NRG3: variants seen among roughly 807,000 people sequenced by gnomAD.
NRG3 encodes the protein neuregulin 3.
Under a neutral mutation model 66.9 loss-of-function variants are expected in NRG3, and 31 were observed. The observed-to-expected ratio is 0.46, with a 90% CI of 0.35 to 0.63. The LOEUF (loss-of-function observed/expected upper bound fraction) is 0.63. Among genes scored for constraint, NRG3 ranks in the 20% least tolerant of loss-of-function variants. NRG3 has a pLI of 0.00. For missense variants in NRG3, 910 were observed against 878.9 expected (o/e 1.04, Z -0.45); for synonymous variants, 393 against 359.4 (o/e 1.09, Z -1.06).
chr10:82,316,795 G>A (rs79184633), intron 1 of NRG3, among the ~76,000 whole-genome samples: 2 of 152,120 alleles, frequency 1.3e-5, no homozygotes, highest in South Asian at 2.1e-4. Context: ...TTCCTAGGCC[G>A]AGCTGTAGGT....
intron 2 of NRG3, among the ~76,000 whole-genome samples, chr10:82,649,724 G>T (rs2051258784): frequency 6.6e-6 from 1 of 152,054 alleles, no homozygotes; most frequent in African/African-American, 2.4e-5. Flanking sequence ...AAAGTGCTGG[G>T]ATTATAGGCA....
chr10:82,876,772 C>A (rs1276530357), intron 4 of NRG3, among the ~76,000 whole-genome samples: 1 of 151,944 alleles, frequency 6.6e-6, no homozygotes, highest in African/African-American at 2.4e-5. Flanking sequence ...GCCTGTAGTC[C>A]CAGCAGTTGG....
intron 4 of NRG3, among the ~76,000 whole-genome samples, chr10:82,887,150 C>T (rs941592341): frequency 1.3e-5 from 2 of 152,200 alleles, no homozygotes; most frequent in Admixed American, 1.3e-4. Context: ...TGTTTGTAAG[C>T]TCCTACTACC....
At chr10:82,409,119 G>A (rs2087848762) in intron 2 of NRG3, among the ~76,000 whole-genome samples, 1 of 151,992 alleles carries the variant, frequency 6.6e-6, no homozygotes, top group Non-Finnish European at 1.5e-5. Context: ...AACTATGGAA[G>A]GTTTACGGTT....
chr10:82,767,337 G>A (rs1208495431), intron 3 of NRG3, among the ~76,000 whole-genome samples: 1 of 151,926 alleles, frequency 6.6e-6, no homozygotes, highest in Non-Finnish European at 1.5e-5. Flanking sequence ...TTGCTTTCCT[G>A]TTTTTAATTT....
chr10:81,915,742 C>T (rs140403640), intron 1 of NRG3, among the ~76,000 whole-genome samples: 4 of 151,994 alleles, frequency 2.6e-5, no homozygotes, highest in Admixed American at 6.6e-5. Flanking sequence ...AGAGCCTCCT[C>T]GATGAGAATG....
At chr10:82,418,600 T>C (rs2088808360) in intron 2 of NRG3, among the ~76,000 whole-genome samples, 1 of 151,964 alleles carries the variant, frequency 6.6e-6, no homozygotes, top group Non-Finnish European at 1.5e-5. Flanking sequence ...TGTAAAGACT[T>C]TTATTTATTT....
chr10:82,275,601 T>A (rs4295985), intron 1 of NRG3, among the ~76,000 whole-genome samples: 27,121 of 151,874 alleles, frequency 0.18, 5,508 homozygotes, highest in African/African-American at 0.5. Flanking sequence ...TGTTTTCAGA[T>A]GTTGGAGAGG....
At chr10:81,880,818 C>G (rs117579853) in intron 1 of NRG3, among the ~76,000 whole-genome samples, 87 of 152,216 alleles carry the variant, frequency 5.7e-4, no homozygotes, top group East Asian at 3.9e-3. Context: ...ATTTTTCTTT[C>G]TTTCTAGCTG....
chr10:82,554,645 G>T (rs765086614), intron 2 of NRG3, among the ~76,000 whole-genome samples: 43 of 152,070 alleles, frequency 2.8e-4, no homozygotes, highest in African/African-American at 8.5e-4. Context: ...AATAATGTGA[G>T]GACCCCTAAG....
At chr10:82,352,927 G>A (rs1381582132) in intron 1 of NRG3, among the ~76,000 whole-genome samples, 2 of 143,504 alleles carry the variant, frequency 1.4e-5, no homozygotes, top group Non-Finnish European at 3.0e-5. Flanking sequence ...AGATTTTATT[G>A]TAAATAATTC....
At chr10:82,115,777 C>T (rs17559164) in intron 1 of NRG3, among the ~76,000 whole-genome samples, 21,202 of 152,100 alleles carry the variant, frequency 0.14, 1,605 homozygotes, top group Middle Eastern at 0.24. Flanking sequence ...TCTTGATGTT[C>T]TATCTAGCCT....
Position 82,669,463 on chromosome 10 carries a change from T to G in NRG3, c.954-69114T>G, listed in dbSNP as rs572343965. 6.3e-4 allele frequency among the ~76,000 whole-genome samples: 96 copies of G among 152,202 alleles called. 2 individuals carry two copies. Among genetic ancestry groups the G allele is most frequent in the Middle Eastern group, 6.8e-3 (2 of 294 alleles). ...TCAGTTCAATTTTGCTACCCAAACT[T>G]ACTACCAATTATGGTTTCTTTACTT... On this transcript the variant is annotated intron_variant, in intron 2 of 8. Coordinates refer to ENST00000372141, the MANE Select transcript of NRG3 (RefSeq NM_001010848.4).
At chr10:82,144,785 ACTT>A (rs2070121039) in intron 1 of NRG3, among the ~76,000 whole-genome samples, 1 of 152,150 alleles carries the variant, frequency 6.6e-6, no homozygotes, top group Non-Finnish European at 1.5e-5. Flanking sequence ...CTACTCCTGA[ACTT>A]CTGTTTCCTC....
intron 2 of NRG3, among the ~76,000 whole-genome samples, chr10:82,702,967 AT>A (rs5786564): frequency 1.3e-5 from 2 of 151,012 alleles, no homozygotes; most frequent in East Asian, 2.0e-4. Flanking sequence ...TGTTTCTGCC[AT>A]TTTTTTTGTT....
intron 1 of NRG3, among the ~76,000 whole-genome samples, chr10:82,033,123 C>T (rs923514551): frequency 2.6e-5 from 4 of 152,144 alleles, no homozygotes; most frequent in African/African-American, 9.6e-5. Flanking sequence ...GGAAAACTGG[C>T]CTGGGCCATG....
chr10:82,602,244 G>C (rs1704443756), intron 2 of NRG3, among the ~76,000 whole-genome samples: 1 of 151,954 alleles, frequency 6.6e-6, no homozygotes, highest in Non-Finnish European at 1.5e-5. Flanking sequence ...GGCCTACTGG[G>C]TTTGCAAAGA....
intron 2 of NRG3, among the ~76,000 whole-genome samples, chr10:82,724,008 T>TAAAAAAAAAAAAAA (rs1565242500): frequency 1.4e-5 from 2 of 143,966 alleles, no homozygotes; most frequent in Admixed American, 6.8e-5. Flanking sequence ...AAAAAAAATT[T>TAAAAAAAAAAAAAA]AAAAAATAAA....
intron 1 of NRG3, among the ~76,000 whole-genome samples, chr10:82,322,590 A>G (rs2081634816): frequency 6.6e-6 from 1 of 152,020 alleles, no homozygotes; most frequent in African/African-American, 2.4e-5. Flanking sequence ...CCTGATATTC[A>G]ATGGCACATA....
Sources: gnomAD v4.1 joint callset for allele counts (sites outside exome capture counted in the v4.1 genomes callset) on GRCh38, gnomAD v4.1.1 for gene constraint, MANE v1.5 for transcripts, NCBI Gene and HGNC (gene_info 2026-07-23, HGNC 2026-07-21) for gene names.